Variants in AGBL4 observed in about 807,000 individuals in gnomAD.
The protein encoded by AGBL4 is cytosolic carboxypeptidase 6.
A neutral mutation model predicts 66.4 loss-of-function variants in AGBL4; 58 were observed. The observed-to-expected ratio is 0.87, with a 90% CI of 0.71 to 1.09. AGBL4 has a LOEUF of 1.09. Ranked by LOEUF, AGBL4 falls within the 50% of genes least tolerant of loss-of-function variation. The probability of loss-of-function intolerance (pLI) is 0.00; values close to 1 mark genes in which losing one functional copy is unlikely to be tolerated. For missense variants in AGBL4, 579 were observed against 631.0 expected, an observed-to-expected ratio of 0.92 and a Z score of 0.88; for synonymous variants, 234 against 222.9, an observed-to-expected ratio of 1.05 and a Z score of -0.44.
chr1:49,566,970 C>T (rs1019640775), intron 3 of AGBL4, among the ~76,000 whole-genome samples: 1 of 152,196 alleles, frequency 6.6e-6, no homozygotes. Context: ...CTCTCGGCTG[C>T]TTTGTTTACC....
intron 1 of AGBL4, among the ~76,000 whole-genome samples, chr1:49,877,617 T>G (rs1307340740): frequency 2.6e-5 from 4 of 152,052 alleles, no homozygotes; most frequent in African/African-American, 9.7e-5. Context: ...GGTCTAAAAT[T>G]CTCTTTTTTG....
intron 3 of AGBL4, among the ~76,000 whole-genome samples, chr1:49,460,904 T>A (rs934572115): frequency 6.6e-6 from 1 of 151,750 alleles, no homozygotes; most frequent in Non-Finnish European, 1.5e-5. Context: ...TTGTTTTGTT[T>A]TAGGAGGCTA....
chr1:49,864,359 C>A (rs1432716097), intron 1 of AGBL4, among the ~76,000 whole-genome samples: 1 of 152,126 alleles, frequency 6.6e-6, no homozygotes. Context: ...GATAGCATCA[C>A]AGGATGACTA....
intron 6 of AGBL4, among the ~76,000 whole-genome samples, chr1:48,786,876 A>T (rs970072941): frequency 1.3e-5 from 2 of 152,136 alleles, no homozygotes; most frequent in Admixed American, 1.3e-4. Flanking sequence ...AGCCTCCCCA[A>T]TACCCCGCAA....
intron 4 of AGBL4, among the ~76,000 whole-genome samples, chr1:49,077,682 A>G (rs1644736414): frequency 6.6e-6 from 1 of 152,214 alleles, no homozygotes; most frequent in African/African-American, 2.4e-5. Context: ...TTCTTTCAAA[A>G]GAAGATAAAA....
At chr1:49,768,262 CA>C (rs930937632) in intron 2 of AGBL4, among the ~76,000 whole-genome samples, 25 of 151,998 alleles carry the variant, frequency 1.6e-4, no homozygotes, top group African/African-American at 5.8e-4. Context: ...TGAACATAGA[CA>C]CAAAAATCCT....
intron 5 of AGBL4, among the ~76,000 whole-genome samples, chr1:49,030,634 G>A (rs1296995795): frequency 6.6e-6 from 1 of 151,946 alleles, no homozygotes; most frequent in Non-Finnish European, 1.5e-5. Context: ...TGCTCCTTAT[G>A]AGGATCTAAC....
intron 4 of AGBL4, among the ~76,000 whole-genome samples, chr1:49,221,790 G>A (rs533787610): frequency 1.3e-5 from 2 of 151,906 alleles, no homozygotes; most frequent in East Asian, 1.9e-4. Flanking sequence ...TTAAATTATT[G>A]TATATTGGAC....
intron 5 of AGBL4, among the ~76,000 whole-genome samples, chr1:48,962,172 C>T (rs965460852): frequency 2.6e-5 from 4 of 152,104 alleles, no homozygotes; most frequent in Non-Finnish European, 4.4e-5. Context: ...TTGAATGTTA[C>T]GAAGTACTTA....
chr1:49,045,867 T>C (rs1644066535), intron 4 of AGBL4, 67 bp from the exon 5 acceptor site: 1 of 1,295,628 alleles, frequency 7.7e-7, no homozygotes, highest in African/African-American at 1.5e-5. Context: ...AGGTAATACA[T>C]ATAAATCAAT....
chr1:48,781,164 G>A (rs1031079828), intron 6 of AGBL4, among the ~76,000 whole-genome samples: 6 of 152,152 alleles, frequency 3.9e-5, no homozygotes, highest in Non-Finnish European at 5.9e-5. Context: ...TCCATTTTCC[G>A]ATAACCCAGA....
intron 2 of AGBL4, among the ~76,000 whole-genome samples, chr1:49,723,033 A>T (rs995159086): frequency 2.6e-5 from 4 of 152,076 alleles, no homozygotes; most frequent in Admixed American, 6.6e-5. Flanking sequence ...CTAATACCAT[A>T]TGCTGGGCAC....
intron 4 of AGBL4, among the ~76,000 whole-genome samples, chr1:49,140,342 C>T (rs1410002159): frequency 6.6e-6 from 1 of 152,204 alleles, no homozygotes; most frequent in African/African-American, 2.4e-5. Context: ...GTAAAATTGC[C>T]TAGGGGCAAA....
At chr1:50,015,146 G>A (rs1661882383) in intron 1 of AGBL4, among the ~76,000 whole-genome samples, 1 of 152,110 alleles carries the variant, frequency 6.6e-6, no homozygotes, top group East Asian at 1.9e-4. Flanking sequence ...ACTTCCACTG[G>A]GCTAATTCCT....
chr1:49,811,112 A>C (rs1416607444), intron 2 of AGBL4, among the ~76,000 whole-genome samples: 2 of 152,192 alleles, frequency 1.3e-5, no homozygotes, highest in Non-Finnish European at 2.9e-5. Context: ...CACAAAATTC[A>C]AACTTTCATC....
At chr1:48,925,698 A>G (rs1188210811) in intron 5 of AGBL4, among the ~76,000 whole-genome samples, 1 of 152,128 alleles carries the variant, frequency 6.6e-6, no homozygotes, top group African/African-American at 2.4e-5. Flanking sequence ...CTTTTTTTGA[A>G]TATTTTTGAT....
chr1:49,361,200 A>T (rs1644128174), intron 3 of AGBL4, among the ~76,000 whole-genome samples: 1 of 152,200 alleles, frequency 6.6e-6, no homozygotes, highest in Non-Finnish European at 1.5e-5. Context: ...TTCTAAAATA[A>T]ACATTTATTG....
chr1:49,161,103 A>G (rs1646532949), intron 4 of AGBL4, among the ~76,000 whole-genome samples: 1 of 152,120 alleles, frequency 6.6e-6, no homozygotes, highest in African/African-American at 2.4e-5. Flanking sequence ...GGGTATGAAA[A>G]AAAAAACTCC....
rs1443868857 is a variant in AGBL4, at chr1:49,045,692, C to A, written c.486G>T (p.Gln162His). Residue 162 changes from glutamine (Q) to histidine (H), a missense_variant, in exon 5 of 14, where the codon CAG becomes CAT. Coordinates refer to ENST00000371839, the MANE Select transcript of AGBL4 (RefSeq NM_032785.4). ...ATGTATATGGGTAGCAGTAAGCAAA[C>A]TGGTAAATATCTTCTTCTCGGTCAA... The part of the protein sequence containing the change: ...FCFDREEDIY[Q>H]FAYCYPYTYT... 3.8e-6 allele frequency: 6 copies of A among 1,562,654 alleles called. No individual in the cohort carries two copies. The Admixed American group carries it at 7.6e-5, about 20-fold the overall frequency.
Sources: gnomAD v4.1 joint callset for allele counts (sites outside exome capture counted in the v4.1 genomes callset) on GRCh38, gnomAD v4.1.1 for gene constraint, MANE v1.5 for transcripts, NCBI Gene and HGNC (gene_info 2026-07-23, HGNC 2026-07-21) for gene names.